The following PREX1 variants were observed in gnomAD, a reference collection of about 807,000 sequenced individuals.
PREX1 encodes the protein phosphatidylinositol 3,4,5-trisphosphate-dependent Rac exchanger 1 protein.
Under a neutral mutation model 198.3 loss-of-function variants are expected in PREX1, and 41 were observed. That is an observed-to-expected ratio of 0.21 (90% CI 0.16 to 0.27). The LOEUF is 0.27. Among genes scored for constraint, PREX1 ranks in the 10% least tolerant of loss-of-function variants. The pLI, the probability that PREX1 is intolerant of heterozygous loss-of-function variation, is 1.00. For synonymous variants in PREX1, 843 were observed against 887.2 expected, an observed-to-expected ratio of 0.95 and a Z score of 0.89; for missense variants, 1,620 against 2,200.7, an observed-to-expected ratio of 0.74 and a Z score of 5.28.
chr20:48,702,307 A>G (rs6019380), intron 6 of PREX1, among the ~76,000 whole-genome samples: 86,402 of 151,994 alleles, frequency 0.57, 26,395 homozygotes, highest in African/African-American at 0.8. Context: ...TCTCCCTGAA[A>G]CCAAGAGGAC....
intron 1 of PREX1, among the ~76,000 whole-genome samples, chr20:48,774,098 G>A (rs1485789368): frequency 6.6e-6 from 1 of 152,218 alleles, no homozygotes; most frequent in Non-Finnish European, 1.5e-5. Context: ...CTTTTATTGA[G>A]ACAGGAAGAC....
At chr20:48,739,299 T>A (rs1049981104) in intron 3 of PREX1, among the ~76,000 whole-genome samples, 2 of 152,202 alleles carry the variant, frequency 1.3e-5, no homozygotes, top group African/African-American at 4.8e-5. Flanking sequence ...CACCCTTGGG[T>A]TGCCAGATAT....
At chr20:48,636,785 A>G in intron 31 of PREX1, 102 bp from the exon 32 acceptor site, 1 of 985,574 alleles carries the variant, frequency 1.0e-6, no homozygotes, top group Non-Finnish European at 1.5e-6. Flanking sequence ...TGGAACCCCC[A>G]GCAAAGGGCT....
intron 31 of PREX1, among the ~76,000 whole-genome samples, chr20:48,637,084 T>A (rs1197180155): frequency 2.0e-5 from 3 of 152,248 alleles, no homozygotes; most frequent in Non-Finnish European, 4.4e-5. Flanking sequence ...TGTTCAGAAA[T>A]GCAGTTTAGC....
the PREX1 span, among the ~76,000 whole-genome samples, chr20:48,845,793 C>T: frequency 6.6e-5 from 10 of 151,820 alleles, no homozygotes; most frequent in East Asian, 1.9e-4. Context: ...TTCCAGAAGC[C>T]GCGAGGAGGC....
At chr20:48,730,946 T>G (rs2090032316) in intron 4 of PREX1, among the ~76,000 whole-genome samples, 2 of 152,108 alleles carry the variant, frequency 1.3e-5, no homozygotes, top group Admixed American at 6.5e-5. Flanking sequence ...CAGTGGGCCA[T>G]GATCAAGCCA....
chr20:48,719,352 C>T (rs1601095185), intron 5 of PREX1, among the ~76,000 whole-genome samples: 1 of 152,112 alleles, frequency 6.6e-6, no homozygotes, highest in Non-Finnish European at 1.5e-5. Context: ...TAGTGCTCAC[C>T]ACACAGGAAA....
chr20:48,670,959 T>C (rs1488398367), intron 14 of PREX1, among the ~76,000 whole-genome samples: 1 of 152,208 alleles, frequency 6.6e-6, no homozygotes, highest in Admixed American at 6.5e-5. Context: ...TTAAATAAGA[T>C]AATGCACCAA....
intron 6 of PREX1, among the ~76,000 whole-genome samples, chr20:48,707,467 C>A (rs1350885466): frequency 1.3e-5 from 2 of 152,148 alleles, no homozygotes; most frequent in Admixed American, 1.3e-4. Context: ...GATTCCCCAG[C>A]ACGGAGAAAA....
At chr20:48,627,260 GC>G (rs1377884305) in intron 39 of PREX1, among the ~76,000 whole-genome samples, 4 of 151,838 alleles carry the variant, frequency 2.6e-5, no homozygotes. Context: ...CGGGGCGGGG[GC>G]TCAGGGCTGA....
At chr20:48,672,024 C>T (rs1446254147) in intron 14 of PREX1, among the ~76,000 whole-genome samples, 1 of 152,230 alleles carries the variant, frequency 6.6e-6, no homozygotes, top group African/African-American at 2.4e-5. Flanking sequence ...GCAAGCTACT[C>T]CAAGGGGCCT....
chr20:48,631,758 T>C (rs995355702), intron 35 of PREX1, among the ~76,000 whole-genome samples: 6 of 152,068 alleles, frequency 3.9e-5, no homozygotes, highest in Non-Finnish European at 7.4e-5. Flanking sequence ...GGGAGGGTGG[T>C]AGGAGTGGGA....
chr20:48,779,691 C>G (rs1251158511), intron 1 of PREX1, among the ~76,000 whole-genome samples: 1 of 152,144 alleles, frequency 6.6e-6, no homozygotes, highest in Admixed American at 6.5e-5. Flanking sequence ...TGTTGATACA[C>G]ACAACAATGC....
chr20:48,819,151 A>C (rs1186402435), intron 1 of PREX1, among the ~76,000 whole-genome samples: 1 of 152,122 alleles, frequency 6.6e-6, no homozygotes, highest in African/African-American at 2.4e-5. Context: ...GCCATATCCA[A>C]CTGAAAGCAC....
At position 48,691,145 on chromosome 20, in the gene PREX1, C is replaced by T. The variant is rs746151658; in HGVS notation, c.1037-49G>A. 6.2e-6 allele frequency: 10 copies of T among 1,611,924 alleles called. No homozygotes were observed. The highest frequency in any genetic ancestry group is 7.6e-6 in the Non-Finnish European group (9 of 1,178,386). Reference sequence around the variant, plus strand: ...TGCAGCAGAGACTCAGCCGCGTGACCTTCAACACTCCCCATTGCCAAGCCC... The same window carrying T: ...TGCAGCAGAGACTCAGCCGCGTGACTTTCAACACTCCCCATTGCCAAGCCC... On this transcript the variant is annotated intron_variant, in intron 8 of 39. Coordinates refer to ENST00000371941, the MANE Select transcript of PREX1 (RefSeq NM_020820.4). The surrounding 1 kb of genome is among the most constrained non-coding windows in gnomAD (Gnocchi z 5.0).
At chr20:48,873,863 G>T in the PREX1 span, among the ~76,000 whole-genome samples, 1 of 152,012 alleles carries the variant, frequency 6.6e-6, no homozygotes, top group Non-Finnish European at 1.5e-5. Context: ...CTTTTCCCAG[G>T]CGTTTACACA....
At chr20:48,711,774 T>C (rs1188221595) in intron 5 of PREX1, among the ~76,000 whole-genome samples, 1 of 152,220 alleles carries the variant, frequency 6.6e-6, no homozygotes, top group African/African-American at 2.4e-5. Context: ...TAGCTGAGCA[T>C]GAGGGCACCT....
chr20:48,801,663 TCA>T (rs1435432549), intron 1 of PREX1, among the ~76,000 whole-genome samples: 3 of 152,336 alleles, frequency 2.0e-5, no homozygotes, highest in African/African-American at 7.2e-5. Flanking sequence ...AGTCACCTCC[TCA>T]CTGGTCTCCC....
In PREX1 at chr20:48,664,955, T is replaced by C. The variant is rs34985208; in HGVS notation, c.1738+1328A>G. Among the ~76,000 whole-genome samples, 733 of 116,230 alleles carry C rather than the reference T, an allele frequency of 6.3e-3. 4 individuals are homozygous for C. The highest frequency in any genetic ancestry group is 0.012 in the Admixed American group (128 of 10,900). The allele number at this position is 116,230 out of a possible 152,430, so 76.3% of individuals were successfully genotyped here. On this transcript the variant is annotated intron_variant, in intron 15 of 39. Coordinates refer to ENST00000371941, the MANE Select transcript of PREX1 (RefSeq NM_020820.4). ...CTCCAGACGGCCTGAATTCTAATCC[T>C]GACTCCAGACGGCCTGAATTCTAAT...
Sources: allele counts gnomAD v4.1 joint callset (sites outside exome capture counted in the v4.1 genomes callset), GRCh38; gene constraint gnomAD v4.1.1; non-coding constraint Gnocchi (gnomAD v3.1); transcripts MANE v1.5; gene names NCBI Gene and HGNC (gene_info 2026-07-23, HGNC 2026-07-21).